The following KIF24 variants were observed in gnomAD, a reference collection of about 807,000 sequenced individuals.
The protein encoded by KIF24 is kinesin-like protein KIF24.
Under a neutral mutation model 118.9 loss-of-function variants are expected in KIF24, and 81 were observed. The observed-to-expected ratio is 0.68, with a 90% CI of 0.57 to 0.82. The LOEUF (loss-of-function observed/expected upper bound fraction) is 0.82, where lower values mean the gene tolerates loss of function less well. Among genes scored for constraint, KIF24 ranks in the 40% least tolerant of loss-of-function variants. The pLI, the probability that KIF24 is intolerant of heterozygous loss-of-function variation, is 0.00. For synonymous variants in KIF24, 599 were observed against 610.0 expected (o/e 0.98, Z 0.27); for missense variants, 1,560 against 1,661.6 (o/e 0.94, Z 1.06).
chr9:34,315,944 A>T (rs1277839052), intron 1 of KIF24, among the ~76,000 whole-genome samples: 1 of 150,288 alleles, frequency 6.7e-6, no homozygotes, highest in African/African-American at 2.5e-5. Flanking sequence ...TAGGAGAATC[A>T]CTTGAACCCA....
intron 1 of KIF24, among the ~76,000 whole-genome samples, chr9:34,323,750 G>A (rs1050354224): frequency 1.3e-5 from 2 of 152,082 alleles, no homozygotes; most frequent in African/African-American, 2.4e-5. Context: ...GAGTGACATC[G>A]AGAAAGCAAA....
intron 8 of KIF24, among the ~76,000 whole-genome samples, chr9:34,268,259 G>T (rs1050519214): frequency 6.6e-6 from 1 of 152,042 alleles, no homozygotes. Context: ...CACCTCCTGG[G>T]TTCAAGAGAT....
At chr9:34,287,075 GCTCT>G in intron 5 of KIF24, among the ~76,000 whole-genome samples, 1 of 152,178 alleles carries the variant, frequency 6.6e-6, no homozygotes, top group East Asian at 1.9e-4. Flanking sequence ...GTGAAGTGAT[GCTCT>G]CTCTCTGTCC....
intron 4 of KIF24, among the ~76,000 whole-genome samples, chr9:34,296,533 T>C (rs1035898766): frequency 3.4e-5 from 5 of 148,676 alleles, no homozygotes; most frequent in African/African-American, 1.2e-4. Context: ...CAAGACTCCA[T>C]CTCAAAAAAA....
chr9:34,311,654 G>A (rs145580747), intron 1 of KIF24, among the ~76,000 whole-genome samples: 128 of 131,932 alleles, frequency 9.7e-4, no homozygotes, highest in African/African-American at 3.0e-3. Context: ...ATATATACGT[G>A]TATATACATA....
chr9:34,298,275 T>C (rs1350973560), intron 3 of KIF24, among the ~76,000 whole-genome samples: 1 of 152,060 alleles, frequency 6.6e-6, no homozygotes, highest in Non-Finnish European at 1.5e-5. Flanking sequence ...CCGGGCGCAG[T>C]GGCTCCACAC....
In KIF24 at chr9:34,255,163, T is replaced by C; in HGVS notation, c.3875A>G (p.Gln1292Arg). ...TTCCTGGTGTGCTCGGATGACCACC[T>C]GCCTGGGAACACCAGAGAGAACACT... The part of the protein sequence containing the change: ...LRQPTLEQAQ[Q>R]VVIRAHQEQL... The change falls in exon 12 of 13, where the codon CAG becomes CGG. Residue 1292 changes from glutamine to arginine, a missense_variant and splice_region_variant. By Grantham distance (43) the Gln-to-Arg change is conservative (BLOSUM62 1). Around this residue, in one of 3 missense-constraint regions of KIF24, gnomAD observed 591 missense variants for 655.6 expected, o/e 0.90. Coordinates refer to ENST00000402558, the MANE Select transcript of KIF24 (RefSeq NM_194313.4). 4 of 1,567,622 alleles carry C rather than the reference T, an allele frequency of 2.6e-6. No homozygotes were observed. Among genetic ancestry groups the C allele is most frequent in the Non-Finnish European group, 1.7e-6 (2 of 1,152,326 alleles).
intron 3 of KIF24, among the ~76,000 whole-genome samples, chr9:34,299,173 A>G (rs180825718): frequency 2.3e-4 from 35 of 151,946 alleles, no homozygotes; most frequent in African/African-American, 8.2e-4. Context: ...ATAGTAATAT[A>G]TATTTTGTTC....
chr9:34,286,006 C>T (rs1244677852), intron 6 of KIF24, among the ~76,000 whole-genome samples: 1 of 151,436 alleles, frequency 6.6e-6, no homozygotes, highest in Non-Finnish European at 1.5e-5. Context: ...CCAGAGCCCA[C>T]TGCCATAGAG....
chr9:34,323,505 T>A (rs564489828), intron 1 of KIF24, among the ~76,000 whole-genome samples: 120 of 152,386 alleles, frequency 7.9e-4, no homozygotes, highest in African/African-American at 2.8e-3. Context: ...TGGTAACCAA[T>A]GTTGGGTTTA....
rs980085561 is a variant in KIF24, at chr9:34,255,353, C to T, written c.3873-188G>A. 3.9e-5 allele frequency among the ~76,000 whole-genome samples: 6 copies of T among 152,134 alleles called. 1 individual carries two copies. In the East Asian group the frequency reaches 7.7e-4, roughly 20 times the overall value. ...TTTCTCAGGATTAGGTAAGGAATTACGGAGTACCAACGAGATACAGGGAGG... is the reference window on the plus strand; with the variant it reads ...TTTCTCAGGATTAGGTAAGGAATTATGGAGTACCAACGAGATACAGGGAGG... On this transcript the variant is annotated intron_variant, in intron 11 of 12. Coordinates refer to ENST00000402558, the MANE Select transcript of KIF24 (RefSeq NM_194313.4).
In KIF24 at chr9:34,257,284, G is replaced by A; in HGVS notation, c.2323C>T (p.Pro775Ser). Residue 775 changes from proline to serine, a missense_variant, in exon 11 of 13, where the codon CCT (proline) becomes TCT (serine). Pro to Ser is a moderately conservative substitution (Grantham distance 74, BLOSUM62 -1). Coordinates refer to ENST00000402558, the MANE Select transcript of KIF24 (RefSeq NM_194313.4). ...TATTTTAACTTCTGTTGGAGGAGAG[G>A]TGGCTGTTGGAACTGCTGGTGATAG... ...RFYHQQFQQPPLLQQKLKYQP... is the reference protein window; with the variant it reads ...RFYHQQFQQPSLLQQKLKYQP... 6.2e-7 allele frequency: 1 copy of A among 1,614,026 alleles called. No homozygotes were observed. Among genetic ancestry groups the A allele is most frequent in the Non-Finnish European group, 8.5e-7 (1 of 1,179,886 alleles).
At chr9:34,294,525 G>A (rs185982955) in intron 4 of KIF24, among the ~76,000 whole-genome samples, 6 of 146,746 alleles carry the variant, frequency 4.1e-5, no homozygotes, top group African/African-American at 1.5e-4. Context: ...TCCAGCCTGG[G>A]CAACAAGAGT....
At chr9:34,317,215 T>A (rs1414700911) in intron 1 of KIF24, among the ~76,000 whole-genome samples, 1 of 145,068 alleles carries the variant, frequency 6.9e-6, no homozygotes, top group East Asian at 2.0e-4. Flanking sequence ...TGAAACTCTG[T>A]CTCAAAAAAA....
chr9:34,259,912 T>TA (rs1208192874), intron 9 of KIF24, among the ~76,000 whole-genome samples: 1 of 152,034 alleles, frequency 6.6e-6, no homozygotes, highest in East Asian at 1.9e-4. Flanking sequence ...AACAAACCAT[T>TA]AAAAAAACCA....
chr9:34,252,829 C>T lies in KIF24; in HGVS notation c.*1551G>A, dbSNP rs568265138. 2.6e-5 allele frequency: 4 copies of T among 152,082 alleles called. No individual in the cohort carries two copies. Among genetic ancestry groups the T allele is most frequent in the South Asian group, 2.1e-4 (1 of 4,818 alleles). The allele number at this position is 152,082 out of a possible 1,614,324, so 9.4% of individuals were successfully genotyped here. On this transcript the variant is annotated 3_prime_UTR_variant, in exon 13 of 13. Coordinates refer to ENST00000402558, the MANE Select transcript of KIF24 (RefSeq NM_194313.4). ...ATCACCCAGTAAAAGAGGAAGAAGC[C>T]CTTTTACTGTGAGCAGCAGGCATTT...
At chr9:34,309,540 CAA>C (rs397960934) in intron 2 of KIF24, among the ~76,000 whole-genome samples, 8 of 65,238 alleles carry the variant, frequency 1.2e-4, no homozygotes, top group Non-Finnish European at 1.6e-4. Flanking sequence ...GACTCCGTCT[CAA>C]AAAAAAAAAA....
chr9:34,302,775 ATT>A, intron 3 of KIF24, among the ~76,000 whole-genome samples: 1 of 125,098 alleles, frequency 8.0e-6, no homozygotes. Flanking sequence ...CCACCAGCTA[ATT>A]TTTTTTTTTT....
At chr9:34,328,528 C>T (rs1298854596) in intron 1 of KIF24, among the ~76,000 whole-genome samples, 1 of 152,124 alleles carries the variant, frequency 6.6e-6, no homozygotes, top group Non-Finnish European at 1.5e-5. Context: ...CTTTTAGGTC[C>T]TTTTGCATTG....
Sources: gnomAD v4.1 joint callset for allele counts (sites outside exome capture counted in the v4.1 genomes callset) on GRCh38, gnomAD v4.1.1 for gene constraint, gnomAD v4.1.1 regional missense constraint, MANE v1.5 for transcripts, NCBI Gene and HGNC (gene_info 2026-07-23, HGNC 2026-07-21) for gene names.